FUBP1: variants seen among roughly 807,000 people sequenced by gnomAD.
FUBP1 encodes the protein far upstream element-binding protein 1.
Under a neutral mutation model 94.9 loss-of-function variants are expected in FUBP1, and 16 were observed. The ratio of observed to expected loss-of-function variants is 0.17; its 90% confidence interval spans 0.11 to 0.26. FUBP1 has a LOEUF of 0.26. Among genes scored for constraint, FUBP1 ranks in the 10% least tolerant of loss-of-function variants. The pLI, the probability that FUBP1 is intolerant of heterozygous loss-of-function variation, is 1.00. For missense variants in FUBP1, 583 were observed against 808.6 expected (o/e 0.72, Z 3.38); for synonymous variants, 279 against 254.9 (o/e 1.09, Z -0.90).
chr1:77,978,152 T>C (rs748749976), intron 1 of FUBP1, among the ~76,000 whole-genome samples: 1 of 152,250 alleles, frequency 6.6e-6, no homozygotes, highest in Admixed American at 6.5e-5. Context: ...TTTCCTGGAA[T>C]ACACGCACTA....
At chr1:77,972,637 C>T in intron 1 of FUBP1, among the ~76,000 whole-genome samples, 1 of 151,192 alleles carries the variant, frequency 6.6e-6, no homozygotes, top group East Asian at 1.9e-4. Flanking sequence ...TGGTGCGCAC[C>T]TGTAATTCCA....
chr1:77,970,191 G>A (rs1301560483), intron 1 of FUBP1, among the ~76,000 whole-genome samples, 176 bp from the exon 2 acceptor site: 1 of 152,116 alleles, frequency 6.6e-6, no homozygotes, highest in African/African-American at 2.4e-5. Flanking sequence ...ACTTCAGGCA[G>A]TTAACATAAT....
In FUBP1 at chr1:77,947,709, A is replaced by T; in HGVS notation, c.*1057T>A. The stretch of plus-strand genomic sequence containing the variant: ...AAAGAGTAATAAAATGACTTCAAGT[A>T]CATAAAAAAATTAAGTTGATTCAAT... On this transcript the variant is annotated 3_prime_UTR_variant, in exon 20 of 20. Coordinates refer to ENST00000370768, the MANE Select transcript of FUBP1 (RefSeq NM_003902.5). 1 of 559,880 alleles carries T rather than the reference A, an allele frequency of 1.8e-6. No individual in the cohort carries two copies. Among genetic ancestry groups the T allele is most frequent in the South Asian group, 1.8e-5 (1 of 54,126 alleles). The allele number at this position is 559,880 out of a possible 1,614,324, so 34.7% of individuals were successfully genotyped here. A position where few individuals can be genotyped will look rare whatever the true frequency, so the allele number is the denominator to read the frequency against.
chr1:77,962,631 T>C (rs1359959537), intron 14 of FUBP1, 139 bp downstream of exon 14: 67 of 467,294 alleles, frequency 1.4e-4, no homozygotes, highest in Non-Finnish European at 2.2e-5. Context: ...CTTCACGTTG[T>C]ATCTATTATA....
intron 8 of FUBP1, 29 bp downstream of exon 8, chr1:77,965,040 A>C (rs1457008226): frequency 6.2e-7 from 1 of 1,604,118 alleles, no homozygotes; most frequent in Non-Finnish European, 8.5e-7. Context: ...AACAGATCAA[A>C]AGTAGCCATT....
rs141126855 is a variant in FUBP1, at chr1:77,977,393, G to A, written c.120+1492C>T. 4.3e-3 allele frequency among the ~76,000 whole-genome samples: 655 copies of A among 152,310 alleles called. 7 individuals carry two copies. The highest frequency in any genetic ancestry group is 0.015 in the African/African-American group (630 of 41,572). ...CACAAAAAATTAGCCGGGCATGGTG[G>A]CGGGCGCCTGTAATCCCAGCTACTC... On this transcript the variant is annotated intron_variant, in intron 1 of 19. Coordinates refer to ENST00000370768, the MANE Select transcript of FUBP1 (RefSeq NM_003902.5).
chr1:77,944,980 AAGTC>A lies in FUBP1; in HGVS notation c.*3782_*3785del, dbSNP rs1651855233. 1.3e-5 allele frequency among the ~76,000 whole-genome samples: 2 copies of A among 152,040 alleles called. No individual in the cohort carries two copies. The highest frequency in any genetic ancestry group is 2.4e-5 in the African/African-American group (1 of 41,448). On this transcript the variant is annotated 3_prime_UTR_variant, in exon 20 of 20. Transcript: ENST00000370768. Reference sequence around the variant, plus strand: ...TCAAATTTTTGTTTAAGTGCTAAATAAGTCAGTTCAGTTTCAATCTAAACTATAC... The same window carrying A: ...TCAAATTTTTGTTTAAGTGCTAAATAAGTTCAGTTTCAATCTAAACTATAC...
chr1:77,975,992 TG>T (rs776174230), intron 1 of FUBP1, among the ~76,000 whole-genome samples: 3 of 152,208 alleles, frequency 2.0e-5, no homozygotes, highest in Non-Finnish European at 4.4e-5. Context: ...CCTGCTTTTC[TG>T]AATAACAACT....
intron 1 of FUBP1, among the ~76,000 whole-genome samples, chr1:77,974,443 A>AT (rs1658227907): frequency 6.6e-6 from 1 of 151,852 alleles, no homozygotes; most frequent in South Asian, 2.1e-4. Context: ...ATTTTTTGGT[A>AT]TTTTTTATAG....
chr1:77,966,314 G>A (rs184613472), intron 7 of FUBP1, among the ~76,000 whole-genome samples: 64 of 152,308 alleles, frequency 4.2e-4, no homozygotes, highest in Admixed American at 6.5e-4. Flanking sequence ...CAGTATTAAA[G>A]AGCCTGGGAG....
chr1:77,970,172 A>G (rs1309184972), intron 1 of FUBP1, among the ~76,000 whole-genome samples, 157 bp from the exon 2 acceptor site: 12 of 152,244 alleles, frequency 7.9e-5, no homozygotes, highest in Admixed American at 7.9e-4. Flanking sequence ...ATTTATTGCT[A>G]CCATTAATAC....
At chr1:77,975,661 T>TGTG (rs1658460667) in intron 1 of FUBP1, among the ~76,000 whole-genome samples, 1 of 152,184 alleles carries the variant, frequency 6.6e-6, no homozygotes, top group Admixed American at 6.5e-5. Flanking sequence ...CACATTTTAA[T>TGTG]TTTCCAATGT....
chr1:77,975,896 G>C (rs1658505368), intron 1 of FUBP1, among the ~76,000 whole-genome samples: 1 of 151,938 alleles, frequency 6.6e-6, no homozygotes, highest in African/African-American at 2.4e-5. Flanking sequence ...AAGAAGATTG[G>C]CAACTAAATG....
chr1:77,960,314 G>C (rs1352510400), intron 15 of FUBP1, 30 bp downstream of exon 15: 1 of 1,613,100 alleles, frequency 6.2e-7, no homozygotes, highest in South Asian at 1.1e-5. Flanking sequence ...GAATCTTTGG[G>C]GAAAGCCCAG....
chr1:77,975,648 A>T (rs1658458071), intron 1 of FUBP1, among the ~76,000 whole-genome samples: 1 of 152,216 alleles, frequency 6.6e-6, no homozygotes, highest in Non-Finnish European at 1.5e-5. Flanking sequence ...AACGGTAGAT[A>T]AACACATTTT....
intron 1 of FUBP1, among the ~76,000 whole-genome samples, chr1:77,972,582 C>G (rs1326944119): frequency 7.6e-6 from 1 of 130,982 alleles, no homozygotes; most frequent in East Asian, 2.1e-4. Flanking sequence ...AACACCACCT[C>G]TACTAAAAAT....
intron 18 of FUBP1, 54 bp downstream of exon 18, chr1:77,955,201 T>A (rs1394377821): frequency 1.3e-6 from 1 of 786,604 alleles, no homozygotes; most frequent in Admixed American, 1.9e-5. Flanking sequence ...CTGAAGAGAA[T>A]AATTTGTTTC....
At chr1:77,976,546 T>TGCA (rs1658631392) in intron 1 of FUBP1, among the ~76,000 whole-genome samples, 1 of 151,688 alleles carries the variant, frequency 6.6e-6, no homozygotes, top group Admixed American at 6.6e-5. Context: ...CAGGCTGGAG[T>TGCA]GCAGCAGCGT....
At chr1:77,953,071 G>A (rs1360290637) in intron 18 of FUBP1, among the ~76,000 whole-genome samples, 1 of 152,036 alleles carries the variant, frequency 6.6e-6, no homozygotes, top group Non-Finnish European at 1.5e-5. Context: ...AGGAAGCAGA[G>A]GTTGCACTGA....
Sources: gnomAD v4.1 joint callset for allele counts (sites outside exome capture counted in the v4.1 genomes callset) on GRCh38, gnomAD v4.1.1 for gene constraint, MANE v1.5 for transcripts, NCBI Gene and HGNC (gene_info 2026-07-23, HGNC 2026-07-21) for gene names.